Variants in ABCA7 observed in about 807,000 individuals in gnomAD.
ABCA7 encodes phospholipid-transporting ATPase ABCA7.
In ABCA7, 261 loss-of-function variants were observed where a neutral mutation model predicts 227.6. The observed-to-expected ratio is 1.15, with a 90% CI of 1.04 to 1.27. ABCA7 has a LOEUF of 1.27. Among genes scored for constraint, ABCA7 ranks in the 50% most tolerant of loss-of-function variants. ABCA7 has a pLI of 0.00. For missense variants in ABCA7, 3,331 were observed against 2,924.5 expected, an observed-to-expected ratio of 1.14 and a Z score of -3.21; for synonymous variants, 1,488 against 1,279.7, an observed-to-expected ratio of 1.16 and a Z score of -3.47.
At chr19:1,041,128 G>T (rs1158611402) in intron 1 of ABCA7, 97 bp from the exon 2 acceptor site, 6 of 592,900 alleles carry the variant, frequency 1.0e-5, no homozygotes, top group Non-Finnish European at 1.8e-5. Flanking sequence ...AATCAGATGC[G>T]AGGACGGCTG....
intron 21 of ABCA7, 57 bp downstream of exon 21, chr19:1,051,643 TG>T: frequency 6.5e-7 from 1 of 1,537,454 alleles, no homozygotes. Context: ...AAGGAAGTGC[TG>T]GGGATGGGGT....
rs183859538 is a variant in ABCA7 at position 1,045,868 on chromosome 19, G to A, written c.1446-362G>A. Among the ~76,000 whole-genome samples the A allele has an allele frequency of 3.3e-3, 508 of 152,300 alleles. 2 individuals carry two copies. The Middle Eastern group carries it at 0.051, about 15-fold the overall frequency. On this transcript the variant is annotated intron_variant, in intron 12 of 46. Transcript: ENST00000263094. ...AAAAAGTACAAAAAATTAGCCGGGC[G>A]TGGTAGCACGCGCCTGTAGGCCCAG...
At chr19:1,047,748 G>A (rs1007405524) in intron 16 of ABCA7, 94 bp downstream of exon 16, 2 of 1,363,440 alleles carry the variant, frequency 1.5e-6, no homozygotes, top group East Asian at 5.2e-5. Flanking sequence ...TGGGGGTGGG[G>A]GGTGGCTTAT....
Position 1,041,883 on chromosome 19 carries a change from G to C in ABCA7, c.213G>C (p.Gln71His), listed in dbSNP as rs1398630905. The change falls in exon 4 of 47, where the codon CAG becomes CAC. Residue 71 changes from glutamine to histidine, a missense_variant. Physicochemically the swap from Gln to His is conservative, Grantham distance 24 (BLOSUM62 0). Transcript: ENST00000263094. ...LPSAGTVPWLQGLICNVNNTC... is the reference protein window; with the variant it reads ...LPSAGTVPWLHGLICNVNNTC... ...CGGCGGGCACCGTGCCCTGGCTCCA[G>C]GGTCTCATCTGTAATGTGAACAACA... 1 of 1,599,748 alleles carries C rather than the reference G, an allele frequency of 6.3e-7. No homozygotes were observed. The highest frequency in any genetic ancestry group is 8.5e-7 in the Non-Finnish European group (1 of 1,177,964).
chr19:1,053,530 A>C lies in ABCA7; in HGVS notation c.3422A>C (p.Glu1141Ala), dbSNP rs2041970813. ...GGGATCTCCGACACCAGCCTCGAGG[A>C]GGTGTGAGGCCTGGGTGGTGGTGAG... ...GYGISDTSLE[E>A]IFLKVVEECA... The change falls in exon 24 of 47, where the codon GAG becomes GCG. Residue 1141 changes from glutamate (E) to alanine (A), a missense_variant and splice_region_variant. Transcript: ENST00000263094. 6.4e-7 allele frequency: 1 copy of C among 1,559,718 alleles called. No homozygotes were observed. Among genetic ancestry groups the C allele is most frequent in the Non-Finnish European group, 8.6e-7 (1 of 1,157,686 alleles).
chr19:1,058,940 G>C lies in ABCA7; in HGVS notation c.5400G>C (p.Lys1800Asn), dbSNP rs530249460. Residue 1800 changes from lysine (K) to asparagine (N), a missense_variant and splice_region_variant, in exon 39 of 47, where the codon AAG becomes AAC. By Grantham distance (94) the Lys-to-Asn change is moderately conservative. Transcript: ENST00000263094. Reference sequence around the variant, plus strand: ...TGTTGGTGCTGAGGAACTTGACCAAGGTAGGTGTGGTCAGGTCGACTGCTG... The same window carrying C: ...TGTTGGTGCTGAGGAACTTGACCAACGTAGGTGTGGTCAGGTCGACTGCTG... ...GDVLVLRNLT[K>N]VYRGQRMPAV... 5.8e-5 allele frequency: 94 copies of C among 1,607,854 alleles called. No homozygotes were observed. In the South Asian group the frequency reaches 9.1e-4, roughly 16 times the overall value.
chr19:1,062,610 A>C (rs1436906837), intron 42 of ABCA7, among the ~76,000 whole-genome samples: 1 of 150,832 alleles, frequency 6.6e-6, no homozygotes, highest in African/African-American at 2.4e-5. Flanking sequence ...GGCCCTGCCC[A>C]CTTGCTCCTC....
rs1211470673 is a variant in ABCA7 at position 1,056,522 on chromosome 19, T to C, written c.4586+23T>C. The C allele has an allele frequency of 6.3e-7, 1 of 1,599,286 alleles. No homozygotes were observed. The highest frequency in any genetic ancestry group is 8.5e-7 in the Non-Finnish European group (1 of 1,172,124). On this transcript the variant is annotated intron_variant, in intron 33 of 46. Transcript: ENST00000263094. This position sits in a 1 kb window ranked among gnomAD's most constrained non-coding sequence, Gnocchi z 4.3. ...ACTGTGAGTCCCTCCACCCTGCATG[T>C]CCTACCCTGCACGTCCTACCCTGCC...
chr19:1,062,021 C>T, intron 41 of ABCA7, 133 bp downstream of exon 41: 1 of 1,429,634 alleles, frequency 7.0e-7, no homozygotes, highest in East Asian at 2.3e-5. Flanking sequence ...GACCCCTGCA[C>T]CTCTACCTCC....
intron 40 of ABCA7, among the ~76,000 whole-genome samples, chr19:1,060,207 A>ATATATATATATATATATATATATATATTT: frequency 4.1e-5 from 4 of 96,768 alleles, no homozygotes; most frequent in African/African-American, 1.4e-4. Flanking sequence ...ATATATATAT[A>ATATATATATATATATATATATATATATTT]TTTTTTTTTC....
rs775875189 is a variant in ABCA7, at chr19:1,054,824, C to G, written c.3896C>G (p.Ala1299Gly). The G allele has an allele frequency of 2.7e-5, 42 of 1,575,706 alleles. No homozygotes were observed. In the South Asian group the frequency reaches 4.1e-4, roughly 16 times the overall value. Reference sequence around the variant, plus strand: ...CCTGGACGTGCCCGGCTGCTCGAGGCGCTGCTGCAGGAGGCAGGACTGGAG... The same window carrying G: ...CCTGGACGTGCCCGGCTGCTCGAGGGGCTGCTGCAGGAGGCAGGACTGGAG... ...GDPGRARLLE[A>G]LLQEAGLEEP... Residue 1299 changes from alanine to glycine, a missense_variant, in exon 29 of 47, where the codon GCG becomes GGG. Ala to Gly is a moderately conservative substitution (Grantham distance 60, BLOSUM62 0). Coordinates refer to ENST00000263094, the MANE Select transcript of ABCA7 (RefSeq NM_019112.4). The surrounding 1 kb of genome is among the most constrained non-coding windows in gnomAD (Gnocchi z 4.8).
intron 45 of ABCA7, 196 bp from the exon 46 acceptor site, chr19:1,064,735 G>T: frequency 1.1e-6 from 1 of 915,732 alleles, no homozygotes; most frequent in Non-Finnish European, 1.5e-6. Context: ...TTAAAAATTA[G>T]CTGGACATGG....
chr19:1,045,363 T>A, intron 12 of ABCA7, 132 bp downstream of exon 12: 2 of 948,484 alleles, frequency 2.1e-6, no homozygotes, highest in Non-Finnish European at 3.1e-6. Flanking sequence ...AGTGGTATGG[T>A]AGCCAGAGCC....
In ABCA7 at chr19:1,051,071, AG is replaced by A. The variant is rs2041574488; in HGVS notation, c.2684+20del. The stretch of plus-strand genomic sequence containing the variant: ...TTGACATGTGCGTCTCGGCAGGCCC[AG>A]AGTGCAGCGGTGGGAAGGGACTGGA... On this transcript the variant is annotated intron_variant, in intron 19 of 46. Coordinates refer to ENST00000263094, the MANE Select transcript of ABCA7 (RefSeq NM_019112.4). The A allele has an allele frequency of 6.2e-7, 1 of 1,609,956 alleles. No homozygotes were observed. Among genetic ancestry groups the A allele is most frequent in the South Asian group, 1.1e-5 (1 of 90,770 alleles).
chr19:1,042,576 GAA>G, intron 6 of ABCA7, 168 bp from the exon 7 acceptor site: 1 of 1,015,120 alleles, frequency 9.9e-7, no homozygotes, highest in Non-Finnish European at 1.5e-6. Flanking sequence ...ACCCAGTGAG[GAA>G]GACTCGTCTG....
In ABCA7 at chr19:1,042,579, G is replaced by A. The variant is rs771844596; in HGVS notation, c.499-167G>A. ...AGAGTGTGTCTGACCCAGTGAGGAA[G>A]ACTCGTCTGTGAGATCTCCAATGAG... is the stretch of plus-strand genomic sequence containing the variant. On this transcript the variant is annotated intron_variant, in intron 6 of 46. Coordinates refer to ENST00000263094, the MANE Select transcript of ABCA7 (RefSeq NM_019112.4). 6.9e-6 allele frequency: 7 copies of A among 1,012,116 alleles called. No individual in the cohort carries two copies. In the African/African-American group the frequency reaches 1.1e-4, roughly 16 times the overall value. The allele number at this position is 1,012,116 out of a possible 1,614,324, so 62.7% of individuals were successfully genotyped here.
Position 1,056,590 on chromosome 19 carries a change from C to T in ABCA7, c.4586+91C>T, listed in dbSNP as rs1439600730. 4 of 1,414,972 alleles carry T rather than the reference C, an allele frequency of 2.8e-6. No individual in the cohort carries two copies. The highest frequency in any genetic ancestry group is 3.8e-6 in the Non-Finnish European group (4 of 1,046,148). 87.7% of individuals were successfully genotyped at this position (1,414,972 alleles called of 1,614,324 possible). ...TGGGGTGGTGGGAGCTGGATTTGAA[C>T]CCTGACACACTCTTGCTTTATAAAT... On this transcript the variant is annotated intron_variant, in intron 33 of 46. Coordinates refer to ENST00000263094, the MANE Select transcript of ABCA7 (RefSeq NM_019112.4). This position sits in a 1 kb window ranked among gnomAD's most constrained non-coding sequence, Gnocchi z 4.3.
Position 1,049,328 on chromosome 19 carries a change from C to A in ABCA7, c.2443C>A (p.Arg815Ser). 1 of 1,611,600 alleles carries A rather than the reference C, an allele frequency of 6.2e-7. No individual in the cohort carries two copies. The highest frequency in any genetic ancestry group is 8.5e-7 in the Non-Finnish European group (1 of 1,179,230). ...PGVSVRSLEK[R>S]FPGSPQPALR... ...CGTCTCCGTTCGCAGCCTGGAGAAG[C>A]GCTTTCCTGGAAGCCCGCAGCCAGC... The change falls in exon 18 of 47, where the codon CGC becomes AGC. Residue 815 changes from arginine to serine, a missense_variant. Physicochemically the swap from Arg to Ser is moderately radical, Grantham distance 110. Transcript: ENST00000263094.
chr19:1,050,386 T>C (rs1395511451), intron 18 of ABCA7, among the ~76,000 whole-genome samples: 2 of 145,636 alleles, frequency 1.4e-5, no homozygotes, highest in African/African-American at 4.9e-5. Context: ...CACTCCAGCC[T>C]GGGCAACAGA....
Sources: allele counts gnomAD v4.1 joint callset (sites outside exome capture counted in the v4.1 genomes callset), GRCh38; gene constraint gnomAD v4.1.1; non-coding constraint Gnocchi (gnomAD v3.1); transcripts MANE v1.5; gene names NCBI Gene and HGNC (gene_info 2026-07-23, HGNC 2026-07-21).